HHIP: variants seen among roughly 807,000 people sequenced by gnomAD.
HHIP encodes the protein hedgehog interacting protein, also known as hedgehog-interacting protein.
A neutral mutation model predicts 74.0 loss-of-function variants in HHIP; 12 were observed. That is an observed-to-expected ratio of 0.16 (90% CI 0.10 to 0.26). The LOEUF is 0.26. Ranked by LOEUF, HHIP falls within the 10% of genes least tolerant of loss-of-function variation. The pLI, the probability that HHIP is intolerant of heterozygous loss-of-function variation, is 1.00. For synonymous variants in HHIP, 309 were observed against 311.6 expected (o/e 0.99, Z 0.09); for missense variants, 788 against 845.0 (o/e 0.93, Z 0.84).
At chr4:144,678,322 C>T (rs186615560) in intron 4 of HHIP, among the ~76,000 whole-genome samples, 2 of 152,198 alleles carry the variant, frequency 1.3e-5, no homozygotes, top group East Asian at 3.9e-4. Flanking sequence ...CTCTAAAGTT[C>T]ACATTTTCTT....
At chr4:144,715,130 T>C (rs1730409191) in intron 9 of HHIP, 170 bp from the exon 10 acceptor site, 1 of 546,452 alleles carries the variant, frequency 1.8e-6, no homozygotes, top group Admixed American at 3.1e-5. Context: ...TCTCCGCATA[T>C]GGGAATTTCA....
chr4:144,713,759 G>A (rs1300045574), intron 8 of HHIP, among the ~76,000 whole-genome samples: 4 of 152,070 alleles, frequency 2.6e-5, no homozygotes, highest in East Asian at 3.9e-4. Context: ...GACCTTTTAT[G>A]TACTATGTTT....
chr4:144,710,292 C>G (rs190839380), intron 7 of HHIP, among the ~76,000 whole-genome samples: 75 of 152,298 alleles, frequency 4.9e-4, no homozygotes, highest in Admixed American at 3.5e-3. Context: ...TTAGTTCCAC[C>G]TTAAGTCACA....
intron 4 of HHIP, among the ~76,000 whole-genome samples, chr4:144,667,269 A>C (rs1728899608): frequency 6.6e-6 from 1 of 152,138 alleles, no homozygotes; most frequent in Non-Finnish European, 1.5e-5. Flanking sequence ...GGATCCCTTG[A>C]GCCCAGGAGT....
rs565167209 is a variant in HHIP, at chr4:144,715,579, A to G, written c.1678+149A>G. ...AAGATGACCTACTCCAGAGATTAAG[A>G]TAGTCCAGTTACATATTCTCTACCA... On this transcript the variant is annotated intron_variant, in intron 10 of 12. Transcript: ENST00000296575. 9.0e-4 allele frequency: 571 copies of G among 635,666 alleles called. 1 individual carries two copies. The African/African-American group carries it at 9.5e-3, about 11-fold the overall frequency. The allele number at this position is 635,666 out of a possible 1,614,324, so 39.4% of individuals were successfully genotyped here.
chr4:144,725,314 T>C (rs186084595), intron 11 of HHIP, among the ~76,000 whole-genome samples: 59 of 152,360 alleles, frequency 3.9e-4, no homozygotes, highest in Non-Finnish European at 7.8e-4. Flanking sequence ...AAATGACTTA[T>C]TTTTGTCAAC....
Position 144,664,362 on chromosome 4 carries a change from G to T in HHIP, c.831+4524G>T, listed in dbSNP as rs563764478. Among the ~76,000 whole-genome samples, 9 of 152,322 alleles carry T rather than the reference G, an allele frequency of 5.9e-5. No individual in the cohort carries two copies. In the East Asian group the frequency reaches 1.7e-3, roughly 29 times the overall value. On this transcript the variant is annotated intron_variant, in intron 4 of 12. Transcript: ENST00000296575. ...CACCAGGGCAAGCCCTGATGGGGAA[G>T]CCTCTGGTTTCACAGGCTTGTAAAT...
At chr4:144,730,138 T>C (rs886489732) in intron 11 of HHIP, among the ~76,000 whole-genome samples, 1 of 152,196 alleles carries the variant, frequency 6.6e-6, no homozygotes, top group Non-Finnish European at 1.5e-5. Flanking sequence ...TCACCTCTAA[T>C]GGATGTTATA....
At chr4:144,714,372 G>A (rs1356940966) in intron 9 of HHIP, 24 bp downstream of exon 9, 10 of 1,610,690 alleles carry the variant, frequency 6.2e-6, no homozygotes, top group Admixed American at 3.3e-5. Context: ...TACCACAACA[G>A]TATGATATAC....
In HHIP at chr4:144,658,781, T is replaced by G. The variant is rs1367732215; in HGVS notation, c.473-9T>G. 7.5e-6 allele frequency: 12 copies of G among 1,606,868 alleles called. No homozygotes were observed. Among genetic ancestry groups the G allele is most frequent in the Admixed American group, 1.7e-5 (1 of 59,104 alleles). ...GTGCTTCTAATGAGTCTTTTTATAT[T>G]TTTTAAAGGTTTCCTTCAAACAACT... On this transcript the variant is annotated splice_polypyrimidine_tract_variant and intron_variant, in intron 2 of 12. Coordinates refer to ENST00000296575, the MANE Select transcript of HHIP (RefSeq NM_022475.3).
intron 4 of HHIP, chr4:144,661,383 C>T (rs1036665043): frequency 2.6e-5 from 4 of 152,074 alleles, no homozygotes; most frequent in Non-Finnish European, 4.4e-5. Flanking sequence ...GAAGAGCTCC[C>T]AGGTTTCTGG....
chr4:144,668,583 C>T (rs1247277378), intron 4 of HHIP, among the ~76,000 whole-genome samples: 30 of 152,052 alleles, frequency 2.0e-4, no homozygotes, highest in Non-Finnish European at 4.4e-5. Context: ...GAAACCCCTT[C>T]TTTACTAAAA....
intron 2 of HHIP, 61 bp from the exon 3 acceptor site, chr4:144,658,729 A>C: frequency 7.3e-7 from 1 of 1,371,042 alleles, no homozygotes; most frequent in Non-Finnish European, 1.0e-6. Context: ...ATATCTTTCA[A>C]ATAAGGTGGT....
At chr4:144,655,106 A>G (rs1402853965) in intron 2 of HHIP, 2 of 152,208 alleles carry the variant, frequency 1.3e-5, no homozygotes, top group African/African-American at 4.8e-5. Context: ...TAGAATATTC[A>G]TATACCTATA....
At chr4:144,659,914 G>T (rs1728664989) in intron 4 of HHIP, 76 bp downstream of exon 4, 11 of 1,041,186 alleles carry the variant, frequency 1.1e-5, no homozygotes, top group Non-Finnish European at 1.6e-5. Context: ...CTCACTGAAG[G>T]TATTTCTTTG....
intron 11 of HHIP, among the ~76,000 whole-genome samples, chr4:144,723,942 C>A (rs1025657493): frequency 6.6e-6 from 1 of 152,154 alleles, no homozygotes; most frequent in African/African-American, 2.4e-5. Context: ...ATACATGTAT[C>A]TGCCTGACTA....
At chr4:144,669,046 T>C (rs977599059) in intron 4 of HHIP, among the ~76,000 whole-genome samples, 1 of 150,990 alleles carries the variant, frequency 6.6e-6, no homozygotes, top group African/African-American at 2.4e-5. Context: ...ATGCAATAAG[T>C]ATGTACAACA....
intron 2 of HHIP, 68 bp downstream of exon 2, chr4:144,652,865 A>G: frequency 1.9e-6 from 2 of 1,036,700 alleles, no homozygotes; most frequent in Non-Finnish European, 2.7e-6. Context: ...CTTGTACTTA[A>G]ATGCTTATTT....
At chr4:144,691,946 G>C (rs1443277780) in intron 4 of HHIP, among the ~76,000 whole-genome samples, 2 of 152,058 alleles carry the variant, frequency 1.3e-5, no homozygotes, top group Non-Finnish European at 1.5e-5. Flanking sequence ...TGCTCAGGTA[G>C]AATCATTGAA....
Sources: allele counts gnomAD v4.1 joint callset (sites outside exome capture counted in the v4.1 genomes callset), GRCh38; gene constraint gnomAD v4.1.1; transcripts MANE v1.5; gene names NCBI Gene and HGNC (gene_info 2026-07-23, HGNC 2026-07-21).